Variants in TSHZ2 observed in about 807,000 individuals in gnomAD.
The protein encoded by TSHZ2 is teashirt homolog 2.
In TSHZ2, 21 loss-of-function variants were observed where a neutral mutation model predicts 74.4. That is an observed-to-expected ratio of 0.28 (90% CI 0.20 to 0.41). The LOEUF is 0.41. TSHZ2 is among the 10% of genes least tolerant of loss of function. TSHZ2 has a pLI of 1.00. For synonymous variants in TSHZ2, 540 were observed against 515.3 expected (o/e 1.05, Z -0.65); for missense variants, 1,244 against 1,293.5 (o/e 0.96, Z 0.59).
At chr20:53,316,477 G>C (rs527298296) in intron 2 of TSHZ2, among the ~76,000 whole-genome samples, 2 of 152,208 alleles carry the variant, frequency 1.3e-5, no homozygotes, top group African/African-American at 4.8e-5. Flanking sequence ...CAATTCAGGG[G>C]CTGTGGTGAG....
chr20:53,366,754 G>A (rs1254774071), intron 2 of TSHZ2, among the ~76,000 whole-genome samples: 1 of 152,142 alleles, frequency 6.6e-6, no homozygotes, highest in African/African-American at 2.4e-5. Flanking sequence ...CCCCCCTTTG[G>A]CCTCTAATGT....
intron 1 of TSHZ2, among the ~76,000 whole-genome samples, chr20:53,118,722 C>T (rs564132403): frequency 3.6e-4 from 55 of 152,158 alleles, no homozygotes; most frequent in Non-Finnish European, 6.6e-4. Flanking sequence ...AAGCAGCCAG[C>T]AGCCACCACT....
At chr20:53,243,646 C>T (rs1394766912) in intron 1 of TSHZ2, among the ~76,000 whole-genome samples, 2 of 152,090 alleles carry the variant, frequency 1.3e-5, no homozygotes, top group Non-Finnish European at 2.9e-5. Context: ...GCCAGGAAGC[C>T]CTTTCCTGAA....
intron 2 of TSHZ2, among the ~76,000 whole-genome samples, chr20:53,263,919 A>G (rs1285875241): frequency 2.0e-5 from 3 of 152,202 alleles, no homozygotes; most frequent in African/African-American, 7.2e-5. Context: ...AGAGGAGCCA[A>G]TCATTCAGGC....
In TSHZ2 at chr20:53,140,435, G is replaced by A. The variant is rs1456815071; in HGVS notation, c.41-113064G>A. On this transcript the variant is annotated intron_variant, in intron 1 of 2. Coordinates refer to ENST00000371497, the MANE Select transcript of TSHZ2 (RefSeq NM_173485.6). ...GGCGCCTGTAGTCCCAGCTACTCAGGAGGCTGAGGCAGGAGAATGGCATGA... is the reference window on the plus strand; with the variant it reads ...GGCGCCTGTAGTCCCAGCTACTCAGAAGGCTGAGGCAGGAGAATGGCATGA... Among the ~76,000 whole-genome samples, 3 of 150,868 alleles carry A rather than the reference G, an allele frequency of 2.0e-5. No individual in the cohort carries two copies. In the East Asian group the frequency reaches 5.9e-4, roughly 30 times the overall value.
chr20:53,363,673 C>T (rs1294666266), intron 2 of TSHZ2, among the ~76,000 whole-genome samples: 10 of 152,092 alleles, frequency 6.6e-5, no homozygotes, highest in South Asian at 6.2e-4. Context: ...TGTGACTGGG[C>T]GTGGTGGCTC....
chr20:53,261,101 A>C (rs1407016083), intron 2 of TSHZ2, among the ~76,000 whole-genome samples: 2 of 152,210 alleles, frequency 1.3e-5, no homozygotes, highest in African/African-American at 4.8e-5. Context: ...TCCAATGCTC[A>C]TCAACTTTCT....
intron 1 of TSHZ2, chr20:53,097,793 G>T: frequency 6.5e-6 from 1 of 153,442 alleles, no homozygotes. Flanking sequence ...AAGCTCAGCT[G>T]AAGAGGATGA....
chr20:53,291,355 C>T (rs980587469), intron 2 of TSHZ2, among the ~76,000 whole-genome samples: 3 of 151,638 alleles, frequency 2.0e-5, no homozygotes, highest in African/African-American at 7.3e-5. Context: ...CACCTGTATT[C>T]GCAGCTACTC....
chr20:53,073,180 C>G (rs1985244762), intron 1 of TSHZ2, among the ~76,000 whole-genome samples: 1 of 151,214 alleles, frequency 6.6e-6, no homozygotes, highest in African/African-American at 2.4e-5. Flanking sequence ...ATCCATCTAT[C>G]CCTCCATCCA....
At chr20:53,333,049 C>T (rs1054058086) in intron 2 of TSHZ2, among the ~76,000 whole-genome samples, 6 of 152,198 alleles carry the variant, frequency 3.9e-5, no homozygotes, top group African/African-American at 1.4e-4. Flanking sequence ...CAGATCTCAA[C>T]TCAGAAGGTA....
At chr20:53,115,372 G>T (rs1022028776) in intron 1 of TSHZ2, among the ~76,000 whole-genome samples, 1 of 152,090 alleles carries the variant, frequency 6.6e-6, no homozygotes, top group Non-Finnish European at 1.5e-5. Flanking sequence ...TGTTCTCATG[G>T]TAGTGAATAA....
chr20:53,226,953 G>C (rs1989700231), intron 1 of TSHZ2, among the ~76,000 whole-genome samples: 1 of 152,156 alleles, frequency 6.6e-6, no homozygotes, highest in Non-Finnish European at 1.5e-5. Context: ...AACTCCAAGG[G>C]TTAGAAAAGT....
At chr20:53,116,186 A>G (rs1986661156) in intron 1 of TSHZ2, among the ~76,000 whole-genome samples, 1 of 152,172 alleles carries the variant, frequency 6.6e-6, no homozygotes, top group African/African-American at 2.4e-5. Flanking sequence ...ACTGCTATTA[A>G]TTGATTGCAT....
chr20:53,049,755 C>A (rs940068822), intron 1 of TSHZ2, among the ~76,000 whole-genome samples: 3 of 151,892 alleles, frequency 2.0e-5, no homozygotes, highest in African/African-American at 7.3e-5. Context: ...CAGCACAGTG[C>A]CCTAAGGGGA....
intron 1 of TSHZ2, among the ~76,000 whole-genome samples, chr20:53,200,648 T>TTTTGTTTGTTTG (rs149843994): frequency 6.6e-6 from 1 of 151,776 alleles, no homozygotes; most frequent in Non-Finnish European, 1.5e-5. Context: ...TTTGGGGGAT[T>TTTTGTTTGTTTG]TTTGTTTGTT....
At chr20:53,154,340 A>G (rs1203505647) in intron 1 of TSHZ2, among the ~76,000 whole-genome samples, 1 of 152,224 alleles carries the variant, frequency 6.6e-6, no homozygotes, top group Non-Finnish European at 1.5e-5. Flanking sequence ...GCTCCTATGT[A>G]TGATTCATTA....
intron 2 of TSHZ2, among the ~76,000 whole-genome samples, chr20:53,441,552 C>T (rs554363160): frequency 6.6e-6 from 1 of 151,878 alleles, no homozygotes; most frequent in East Asian, 1.9e-4. Flanking sequence ...TCCCAAAGTG[C>T]TGGTATTACA....
At position 53,254,630 on chromosome 20, in the gene TSHZ2, C is replaced by A. The variant is rs1370762166; in HGVS notation, c.1172C>A (p.Thr391Asn). 1.8e-5 allele frequency: 29 copies of A among 1,614,020 alleles called. No homozygotes were observed. The highest frequency in any genetic ancestry group is 2.4e-5 in the Non-Finnish European group (28 of 1,179,936). ...KCMECGSSHD[T>N]LQQLTTHMMV... Reference sequence around the variant, plus strand: ...ATGGAGTGTGGGAGCTCCCATGACACCTTGCAGCAGCTCACCACCCACATG... The same window carrying A: ...ATGGAGTGTGGGAGCTCCCATGACAACTTGCAGCAGCTCACCACCCACATG... The change falls in exon 2 of 3, where the codon ACC becomes AAC. Residue 391 changes from threonine to asparagine, a missense_variant. Thr to Asn is a moderately conservative substitution (Grantham distance 65). Coordinates refer to ENST00000371497, the MANE Select transcript of TSHZ2 (RefSeq NM_173485.6).
Sources: allele counts gnomAD v4.1 joint callset (sites outside exome capture counted in the v4.1 genomes callset), GRCh38; gene constraint gnomAD v4.1.1; transcripts MANE v1.5; gene names NCBI Gene and HGNC (gene_info 2026-07-23, HGNC 2026-07-21).